Variants in PLCE1 observed in about 807,000 individuals in gnomAD.
PLCE1 encodes 1-phosphatidylinositol 4,5-bisphosphate phosphodiesterase epsilon-1.
Under a neutral mutation model 242.8 loss-of-function variants are expected in PLCE1, and 119 were observed. The observed-to-expected ratio is 0.49, with a 90% CI of 0.42 to 0.57. The LOEUF is 0.57. Ranked by LOEUF, PLCE1 falls within the 20% of genes least tolerant of loss-of-function variation. The pLI, the probability that PLCE1 is intolerant of heterozygous loss-of-function variation, is 0.00. For missense variants in PLCE1, 2,441 were observed against 2,788.8 expected, an observed-to-expected ratio of 0.88 and a Z score of 2.81; for synonymous variants, 945 against 1,017.4, an observed-to-expected ratio of 0.93 and a Z score of 1.35.
intron 5 of PLCE1, among the ~76,000 whole-genome samples, chr10:94,230,283 G>T (rs1218538700): frequency 1.3e-5 from 2 of 152,062 alleles, no homozygotes; most frequent in Non-Finnish European, 2.9e-5. Context: ...GCTATATCCA[G>T]GTAATGGAAT....
At chr10:94,240,580 C>T (rs901870903) in intron 7 of PLCE1, among the ~76,000 whole-genome samples, 2 of 152,068 alleles carry the variant, frequency 1.3e-5, no homozygotes, top group Admixed American at 1.3e-4. Context: ...ATTAAATTTA[C>T]GCTTGTTTGT....
In PLCE1 at chr10:94,031,972, A is replaced by G. The variant is rs761269172; in HGVS notation, c.926A>G (p.Asp309Gly). Residue 309 changes from aspartate (D) to glycine (G), a missense_variant, in exon 2 of 33, where the codon GAT (aspartate) becomes GGT (glycine). Transcript: ENST00000371380. ...GAGGACTTCCCTGATAATTGTGATG[A>G]TGTAGAAGAAGACGCTTTTAAAAGC... is the stretch of plus-strand genomic sequence containing the variant. The part of the protein sequence containing the change: ...HFEDFPDNCD[D>G]VEEDAFKSKK... 1.3e-5 allele frequency: 21 copies of G among 1,613,722 alleles called. No individual in the cohort carries two copies. In the African/African-American group the frequency reaches 2.7e-4, roughly 21 times the overall value.
intron 2 of PLCE1, among the ~76,000 whole-genome samples, chr10:94,074,215 A>T (rs1331260251): frequency 1.4e-5 from 2 of 142,214 alleles, no homozygotes; most frequent in African/African-American, 2.6e-5. Flanking sequence ...TTTCTTGTAG[A>T]CAGAGTCTCC....
At chr10:94,309,714 C>T (rs1345181324) in intron 27 of PLCE1, among the ~76,000 whole-genome samples, 1 of 152,164 alleles carries the variant, frequency 6.6e-6, no homozygotes, top group East Asian at 1.9e-4. Flanking sequence ...ACCATGGCCC[C>T]CTCACTAATG....
Position 94,258,937 on chromosome 10 carries a change from T to C in PLCE1, c.3677+15T>C. 6.2e-7 allele frequency: 1 copy of C among 1,614,086 alleles called. No individual in the cohort carries two copies. The highest frequency in any genetic ancestry group is 8.5e-7 in the Non-Finnish European group (1 of 1,179,960). ...AAATCATTCAGGTACAGTCTTATGT[T>C]TCCTTCTTATTCTTTCTCAGGCCCC... is the stretch of plus-strand genomic sequence containing the variant. On this transcript the variant is annotated intron_variant, in intron 12 of 32. Transcript: ENST00000371380.
At position 94,330,264 on chromosome 10, in the gene PLCE1, G is replaced by C. The variant is rs11187874; in HGVS notation, c.*2321G>C. ...TGAGACCAGGTTGTTTAGCAAGTGA[G>C]AGAATCCAGCCTACTGCCTAGGTTG... On this transcript the variant is annotated 3_prime_UTR_variant, in exon 33 of 33. Coordinates refer to ENST00000371380, the MANE Select transcript of PLCE1 (RefSeq NM_016341.4). The C allele has an allele frequency of 1.3e-5, 2 of 152,268 alleles. No individual in the cohort carries two copies. Among genetic ancestry groups the C allele is most frequent in the African/African-American group, 4.8e-5 (2 of 41,474 alleles). The allele number at this position is 152,268 out of a possible 1,614,324, so 9.4% of individuals were successfully genotyped here.
intron 4 of PLCE1, 122 bp from the exon 5 acceptor site, chr10:94,227,184 A>T: frequency 1.1e-6 from 1 of 908,308 alleles, no homozygotes; most frequent in Non-Finnish European, 1.8e-6. Flanking sequence ...GCCAGGACCT[A>T]CAGGTCTTTC....
chr10:94,262,554 C>T lies in PLCE1; in HGVS notation c.3875C>T (p.Ser1292Leu), dbSNP rs1407013393. The T allele has an allele frequency of 1.5e-5, 25 of 1,614,042 alleles. No individual in the cohort carries two copies. The highest frequency in any genetic ancestry group is 2.0e-5 in the Non-Finnish European group (24 of 1,179,934). Reference protein sequence around the residue: ...GLFIKSKQQLSDNQRQISDAI... With the variant: ...GLFIKSKQQLLDNQRQISDAI... ...TTCATTAAGAGTAAACAGCAGCTAT[C>T]GGACAACCAGAGGCAGATATCTGAT... is the stretch of plus-strand genomic sequence containing the variant. Residue 1292 changes from serine to leucine, a missense_variant, in exon 14 of 33, where the codon TCG becomes TTG. Ser to Leu is a moderately radical substitution (Grantham distance 145). Transcript: ENST00000371380.
rs2050664879 is a variant in PLCE1, at chr10:94,245,982, C to T, written c.2457C>T (p.Asp819=). 6 of 1,614,032 alleles carry T rather than the reference C, an allele frequency of 3.7e-6. No homozygotes were observed. Among genetic ancestry groups the T allele is most frequent in the Non-Finnish European group, 5.1e-6 (6 of 1,179,900 alleles). Residue 819 remains aspartate (D), a synonymous_variant, in exon 8 of 33, where the codon GAC becomes GAT. Coordinates refer to ENST00000371380, the MANE Select transcript of PLCE1 (RefSeq NM_016341.4). ...GAGATTTGTTGGATTCAGACAATGA[C>T]ATCTTTGAGCAATCCAAAGAATACG... The part of the protein sequence containing the change: ...IIGDLLDSDN[D]IFEQSKEYDS...
At chr10:94,249,912 A>G (rs1442345866) in intron 8 of PLCE1, among the ~76,000 whole-genome samples, 1 of 152,158 alleles carries the variant, frequency 6.6e-6, no homozygotes, top group Non-Finnish European at 1.5e-5. Context: ...GGTTATAAGC[A>G]AAAAAGATTC....
chr10:94,282,965 A>G (rs971282613), intron 20 of PLCE1, among the ~76,000 whole-genome samples: 1 of 152,136 alleles, frequency 6.6e-6, no homozygotes, highest in Non-Finnish European at 1.5e-5. Flanking sequence ...TATCTCATTT[A>G]CTTCTTGTCA....
At chr10:94,228,059 C>T (rs931897285) in intron 5 of PLCE1, among the ~76,000 whole-genome samples, 2 of 152,218 alleles carry the variant, frequency 1.3e-5, no homozygotes, top group African/African-American at 4.8e-5. Flanking sequence ...GTCATTCACC[C>T]AAGGTCACCT....
intron 2 of PLCE1, among the ~76,000 whole-genome samples, chr10:94,093,037 C>T (rs1338212788): frequency 6.6e-6 from 1 of 152,078 alleles, no homozygotes; most frequent in Non-Finnish European, 1.5e-5. Context: ...AGTTGACAAA[C>T]TGGATATGGA....
At chr10:94,229,508 A>G (rs752168354) in intron 5 of PLCE1, among the ~76,000 whole-genome samples, 1 of 152,228 alleles carries the variant, frequency 6.6e-6, no homozygotes, top group Admixed American at 6.5e-5. Flanking sequence ...ATAGGACAGC[A>G]TGGATTCCTT....
At chr10:94,004,382 G>C (rs995908256) in intron 1 of PLCE1, among the ~76,000 whole-genome samples, 13 of 152,110 alleles carry the variant, frequency 8.5e-5, no homozygotes, top group African/African-American at 2.9e-4. Flanking sequence ...TCAATGTCAA[G>C]TTTTAGTTTA....
intron 23 of PLCE1, among the ~76,000 whole-genome samples, chr10:94,295,804 G>T (rs1306461922): frequency 7.2e-5 from 11 of 152,210 alleles, no homozygotes; most frequent in Non-Finnish European, 1.6e-4. Context: ...GAAAAATCAT[G>T]CTGTAAACAG....
intron 3 of PLCE1, among the ~76,000 whole-genome samples, chr10:94,153,667 A>G (rs1338470788): frequency 1.3e-5 from 2 of 152,210 alleles, no homozygotes; most frequent in Admixed American, 1.3e-4. Context: ...ACACTATTAG[A>G]ATTAATAAAT....
chr10:94,263,381 G>A (rs2051381638), intron 14 of PLCE1, among the ~76,000 whole-genome samples: 2 of 151,850 alleles, frequency 1.3e-5, no homozygotes, highest in South Asian at 4.2e-4. Context: ...AGGTGTGGTG[G>A]TGCGTGCCTG....
rs115368303 is a variant in PLCE1 at position 94,205,512 on chromosome 10, A to G, written c.1810-21794A>G. 4.2e-3 allele frequency among the ~76,000 whole-genome samples: 636 copies of G among 152,382 alleles called. 9 individuals carry two copies. The highest frequency in any genetic ancestry group is 0.015 in the African/African-American group (608 of 41,598). On this transcript the variant is annotated intron_variant, in intron 4 of 32. Coordinates refer to ENST00000371380, the MANE Select transcript of PLCE1 (RefSeq NM_016341.4). ...AGCCCTGTCACTTAGACATTGCTCT[A>G]CAAATATTCATTGAATGACTAAATA...
Sources: gnomAD v4.1 joint callset for allele counts (sites outside exome capture counted in the v4.1 genomes callset) on GRCh38, gnomAD v4.1.1 for gene constraint, MANE v1.5 for transcripts, NCBI Gene and HGNC (gene_info 2026-07-23, HGNC 2026-07-21) for gene names.